ANKRD31: variants seen among roughly 807,000 people sequenced by gnomAD.
The protein encoded by ANKRD31 is ankyrin repeat domain-containing protein 31.
In ANKRD31, 147 loss-of-function variants were observed where a neutral mutation model predicts 186.0. That is an observed-to-expected ratio of 0.79 (90% CI 0.69 to 0.91). ANKRD31 has a LOEUF of 0.91. ANKRD31 is among the 40% of genes least tolerant of loss of function. The probability of loss-of-function intolerance (pLI) is 0.00; values close to 1 mark genes in which losing one functional copy is unlikely to be tolerated. For synonymous variants in ANKRD31, 673 were observed against 736.4 expected (o/e 0.91, Z 1.39); for missense variants, 1,986 against 2,148.8 (o/e 0.92, Z 1.50).
intron 1 of ANKRD31, among the ~76,000 whole-genome samples, chr5:75,235,884 A>G (rs1010425446): frequency 6.6e-6 from 1 of 151,692 alleles, no homozygotes; most frequent in African/African-American, 2.4e-5. Context: ...CTTTCTGATC[A>G]TATGAACTGG....
At chr5:75,116,768 G>T (rs183832422) in intron 18 of ANKRD31, 87 bp from the exon 19 acceptor site, 6 of 633,594 alleles carry the variant, frequency 9.5e-6, no homozygotes, top group Non-Finnish European at 1.4e-5. Flanking sequence ...GGATGAGAAG[G>T]ATAAGTCAAG....
At chr5:75,199,137 G>T (rs1755652330) in intron 6 of ANKRD31, among the ~76,000 whole-genome samples, 3 of 152,154 alleles carry the variant, frequency 2.0e-5, no homozygotes. Context: ...GAGCCCAGGA[G>T]TTCCAGGTGG....
chr5:75,104,187 T>A (rs1350606459), intron 22 of ANKRD31, 41 bp downstream of exon 22: 3 of 1,395,470 alleles, frequency 2.1e-6, no homozygotes, highest in Non-Finnish European at 2.8e-6. Flanking sequence ...CTCACTTATT[T>A]ATAAAATTTG....
At position 75,203,113 on chromosome 5, in the gene ANKRD31, T is replaced by C. The variant is rs141074266; in HGVS notation, c.403+3298A>G. 4.4e-3 allele frequency among the ~76,000 whole-genome samples: 668 copies of C among 152,164 alleles called. 7 individuals carry two copies. The highest frequency in any genetic ancestry group is 0.02 in the Middle Eastern group (6 of 294). On this transcript the variant is annotated intron_variant, in intron 5 of 25. Transcript: ENST00000506364. ...AGGCATGCACTACCTCACCTGGCCA[T>C]GTGGCACTTTTGAAGGAACAGCCTA...
Position 75,084,316 on chromosome 5 carries a change from G to A in ANKRD31, c.5531C>T (p.Pro1844Leu). Residue 1844 changes from proline to leucine, a missense_variant, in exon 24 of 26, where the codon CCA (proline) becomes CTA (leucine). By Grantham distance (98) the Pro-to-Leu change is moderately conservative. Coordinates refer to ENST00000506364, the MANE Select transcript of ANKRD31 (RefSeq NM_001372053.1). Reference sequence around the variant, plus strand: ...TTGCTGAGGTACTGAGTTTGGTTCTGGAAGTATGGGTGCATCCTCAGAAAC... The same window carrying A: ...TTGCTGAGGTACTGAGTTTGGTTCTAGAAGTATGGGTGCATCCTCAGAAAC... ...RYVSEDAPILPEPNSVPQQYQ... is the reference protein window; with the variant it reads ...RYVSEDAPILLEPNSVPQQYQ... 1 of 1,537,136 alleles carries A rather than the reference G, an allele frequency of 6.5e-7. No homozygotes were observed. The highest frequency in any genetic ancestry group is 8.7e-7 in the Non-Finnish European group (1 of 1,146,864).
intron 17 of ANKRD31, among the ~76,000 whole-genome samples, chr5:75,119,229 G>A (rs1330962746): frequency 6.6e-6 from 1 of 152,146 alleles, no homozygotes; most frequent in Admixed American, 6.5e-5. Flanking sequence ...TCAACAGAGA[G>A]TTTTTCAACT....
At chr5:75,195,588 CATGTTCAA>C in intron 7 of ANKRD31, 35 bp downstream of exon 7, 1 of 1,430,050 alleles carries the variant, frequency 7.0e-7, no homozygotes, top group Non-Finnish European at 9.2e-7. Context: ...AACTTGGAAC[CATGTTCAA>C]ATGGTGGAGT....
rs149373547 is a variant in ANKRD31, at chr5:75,119,105, A to C, written c.3877-808T>G. 5.9e-4 allele frequency among the ~76,000 whole-genome samples: 90 copies of C among 152,304 alleles called. 1 individual carries two copies. The highest frequency in any genetic ancestry group is 2.1e-3 in the African/African-American group (86 of 41,564). ...AAATAGCAAACTTAAAAAAAAATTCAACTTTTATTTTAGATTCAAATGATA... is the reference window on the plus strand; with the variant it reads ...AAATAGCAAACTTAAAAAAAAATTCCACTTTTATTTTAGATTCAAATGATA... On this transcript the variant is annotated intron_variant, in intron 17 of 25. Transcript: ENST00000506364.
intron 19 of ANKRD31, among the ~76,000 whole-genome samples, chr5:75,115,423 T>A (rs1215049236): frequency 6.6e-6 from 1 of 152,118 alleles, no homozygotes; most frequent in Non-Finnish European, 1.5e-5. Flanking sequence ...CTAATTAAAC[T>A]AAAGAGCTTC....
intron 23 of ANKRD31, among the ~76,000 whole-genome samples, chr5:75,090,608 T>A (rs61223734): frequency 0.054 from 8,283 of 152,266 alleles, 523 homozygotes; most frequent in African/African-American, 0.15. Context: ...TCCTGAAGAA[T>A]AATTTTAAGA....
chr5:75,198,450 A>G (rs1027498844), intron 6 of ANKRD31, among the ~76,000 whole-genome samples: 2 of 152,164 alleles, frequency 1.3e-5, no homozygotes, highest in Non-Finnish European at 2.9e-5. Context: ...TGATTCTTTG[A>G]AAAATACTTG....
At chr5:75,224,129 T>TTTTATATATATA (rs1757467689) in intron 2 of ANKRD31, among the ~76,000 whole-genome samples, 2 of 105,752 alleles carry the variant, frequency 1.9e-5, no homozygotes, top group Non-Finnish European at 3.8e-5. Context: ...TCAGAAATAA[T>TTTTATATATATA]TATATATATA....
chr5:75,078,192 T>C (rs2150008206), intron 25 of ANKRD31, among the ~76,000 whole-genome samples: 1 of 152,248 alleles, frequency 6.6e-6, no homozygotes, highest in African/African-American at 2.4e-5. Flanking sequence ...ATAAACACCC[T>C]ATGCACTGTT....
intron 5 of ANKRD31, among the ~76,000 whole-genome samples, chr5:75,203,779 C>T (rs912508458): frequency 6.6e-4 from 101 of 152,162 alleles, no homozygotes; most frequent in African/African-American, 2.4e-3. Flanking sequence ...TCAATACATC[C>T]TCATACACAC....
At chr5:75,218,093 T>C (rs565399311) in intron 3 of ANKRD31, among the ~76,000 whole-genome samples, 31 of 152,130 alleles carry the variant, frequency 2.0e-4, no homozygotes, top group African/African-American at 5.8e-4. Context: ...TATCCAAAAA[T>C]CAGAGCTGAA....
In ANKRD31 at chr5:75,104,613, C is replaced by G; in HGVS notation, c.4946G>C (p.Ser1649Thr). Residue 1649 changes from serine to threonine, a missense_variant, in exon 22 of 26, where the codon AGT becomes ACT. By Grantham distance (58) the Ser-to-Thr change is moderately conservative. Transcript: ENST00000506364. The part of the protein sequence containing the change: ...IGKLNISETA[S>T]VLAENAAHPS... ...ATGGGCAGCATTTTCGGCAAGGACA[C>G]TTGCAGTTTCTGAAATATTTAATTT... 1.3e-6 allele frequency: 2 copies of G among 1,536,626 alleles called. No homozygotes were observed. Among genetic ancestry groups the G allele is most frequent in the Non-Finnish European group, 1.7e-6 (2 of 1,146,658 alleles).
chr5:75,177,797 C>T (rs983060498), intron 10 of ANKRD31, among the ~76,000 whole-genome samples: 6 of 152,040 alleles, frequency 3.9e-5, no homozygotes, highest in South Asian at 2.1e-4. Context: ...TTGTAAAGAC[C>T]GTCGATGCTA....
In ANKRD31 at chr5:75,146,128, C is replaced by T. The variant is rs1422289992; in HGVS notation, c.3283G>A (p.Val1095Ile). The T allele has an allele frequency of 2.0e-6, 3 of 1,535,606 alleles. No individual in the cohort carries two copies. Among genetic ancestry groups the T allele is most frequent in the African/African-American group, 1.4e-5 (1 of 72,968 alleles). Residue 1095 changes from valine to isoleucine, a missense_variant, in exon 14 of 26, where the codon GTT becomes ATT. Physicochemically the swap from Val to Ile is conservative, Grantham distance 29 (BLOSUM62 3). Coordinates refer to ENST00000506364, the MANE Select transcript of ANKRD31 (RefSeq NM_001372053.1). The part of the protein sequence containing the change: ...AHSQVIETTK[V>I]EKRRQNHLES... ...AGATGGTTTTGTCTCCTTTTTTCAA[C>T]TTTAGTTGTTTCTATTACTTGAGAA... is the stretch of plus-strand genomic sequence containing the variant.
At chr5:75,077,767 T>C (rs1744767274) in intron 25 of ANKRD31, among the ~76,000 whole-genome samples, 1 of 151,656 alleles carries the variant, frequency 6.6e-6, no homozygotes, top group African/African-American at 2.4e-5. Flanking sequence ...CTACTAAAAA[T>C]ACGAAAAATT....
Sources: gnomAD v4.1 joint callset for allele counts (sites outside exome capture counted in the v4.1 genomes callset) on GRCh38, gnomAD v4.1.1 for gene constraint, MANE v1.5 for transcripts, NCBI Gene and HGNC (gene_info 2026-07-23, HGNC 2026-07-21) for gene names.